BCKDHB: variants seen among roughly 807,000 people sequenced by gnomAD.
The protein encoded by BCKDHB is 2-oxoisovalerate dehydrogenase subunit beta, mitochondrial.
A neutral mutation model predicts 48.5 loss-of-function variants in BCKDHB; 41 were observed. That is an observed-to-expected ratio of 0.85 (90% CI 0.66 to 1.10). The LOEUF (loss-of-function observed/expected upper bound fraction) is 1.10. Ranked by LOEUF, BCKDHB falls within the 50% of genes least tolerant of loss-of-function variation. The pLI, the probability that BCKDHB is intolerant of heterozygous loss-of-function variation, is 0.00. For synonymous variants in BCKDHB, 201 were observed against 174.8 expected (o/e 1.15, Z -1.18); for missense variants, 496 against 494.2 (o/e 1.00, Z -0.03).
chr6:80,361,463 T>C, the BCKDHB span, among the ~76,000 whole-genome samples: 2 of 152,214 alleles, frequency 1.3e-5, no homozygotes, highest in Admixed American at 6.5e-5. Context: ...TATTTATTCA[T>C]AAGTAAGGTA....
intron 6 of BCKDHB, among the ~76,000 whole-genome samples, chr6:80,184,000 A>G (rs1773528869): frequency 6.6e-6 from 1 of 152,144 alleles, no homozygotes; most frequent in South Asian, 2.1e-4. Flanking sequence ...GCAGAAAGGT[A>G]TCTTGGTTGC....
intron 5 of BCKDHB, among the ~76,000 whole-genome samples, chr6:80,170,779 G>C (rs779040829): frequency 1.3e-5 from 2 of 152,118 alleles, no homozygotes; most frequent in African/African-American, 4.8e-5. Context: ...ACACTATGGT[G>C]CCTGGACTGT....
intron 8 of BCKDHB, among the ~76,000 whole-genome samples, chr6:80,239,901 T>A (rs1035895008): frequency 1.3e-5 from 2 of 152,208 alleles, no homozygotes; most frequent in Non-Finnish European, 2.9e-5. Context: ...TTGTCAAAGA[T>A]CAGATGGTTG....
intron 8 of BCKDHB, among the ~76,000 whole-genome samples, chr6:80,249,736 G>A (rs1436540388): frequency 2.0e-5 from 3 of 152,116 alleles, no homozygotes; most frequent in Non-Finnish European, 4.4e-5. Flanking sequence ...AGTTTTAAAA[G>A]AGCTAGTGCT....
chr6:80,121,114 T>G (rs532464216), intron 1 of BCKDHB, among the ~76,000 whole-genome samples: 135 of 152,354 alleles, frequency 8.9e-4, no homozygotes, highest in African/African-American at 3.2e-3. Context: ...ATTTATTAAA[T>G]AGGGAATCCT....
At chr6:80,255,646 A>AT (rs1260666105) in intron 8 of BCKDHB, among the ~76,000 whole-genome samples, 1 of 152,126 alleles carries the variant, frequency 6.6e-6, no homozygotes, top group Admixed American at 6.6e-5. Flanking sequence ...AACCAGAAGG[A>AT]TTTTACCACT....
intron 8 of BCKDHB, among the ~76,000 whole-genome samples, chr6:80,240,352 A>G (rs113651108): frequency 0.037 from 5,612 of 152,150 alleles, 333 homozygotes; most frequent in African/African-American, 0.13. Flanking sequence ...CTCCTTGAAG[A>G]GTTCTCCTCT....
chr6:80,163,326 T>C (rs200697114), intron 3 of BCKDHB, among the ~76,000 whole-genome samples: 1 of 129,482 alleles, frequency 7.7e-6, no homozygotes, highest in Non-Finnish European at 1.6e-5. Context: ...TTTTTTTTTT[T>C]CTCTTCTCTC....
intron 3 of BCKDHB, among the ~76,000 whole-genome samples, chr6:80,135,356 G>C (rs1770833576): frequency 6.6e-6 from 1 of 151,952 alleles, no homozygotes; most frequent in African/African-American, 2.4e-5. Context: ...ATATGTAGAG[G>C]ATTTATTTCC....
intron 6 of BCKDHB, among the ~76,000 whole-genome samples, chr6:80,176,236 A>G (rs994992618): frequency 2.6e-5 from 4 of 152,160 alleles, no homozygotes; most frequent in Admixed American, 2.6e-4. Context: ...TTCTGGTATT[A>G]ATGGAGGAAT....
chr6:80,424,486 T>C, the BCKDHB span, among the ~76,000 whole-genome samples: 1 of 152,220 alleles, frequency 6.6e-6, no homozygotes, highest in African/African-American at 2.4e-5. Flanking sequence ...TTTGATATTA[T>C]ATAATTTCAT....
At chr6:80,254,437 T>C (rs1241789951) in intron 8 of BCKDHB, among the ~76,000 whole-genome samples, 2 of 152,120 alleles carry the variant, frequency 1.3e-5, no homozygotes, top group Non-Finnish European at 2.9e-5. Context: ...GGCTCATGCC[T>C]GTAATCCTAG....
chr6:80,380,894 A>G, the BCKDHB span, among the ~76,000 whole-genome samples: 1 of 152,004 alleles, frequency 6.6e-6, no homozygotes, highest in African/African-American at 2.4e-5. Flanking sequence ...TTAATCTTGT[A>G]TCCTGCAAAC....
At chr6:80,166,989 A>G (rs899724325) in intron 3 of BCKDHB, among the ~76,000 whole-genome samples, 2 of 152,130 alleles carry the variant, frequency 1.3e-5, no homozygotes, top group African/African-American at 4.8e-5. Flanking sequence ...TTAAAAAATC[A>G]TCTCCCACTA....
intron 9 of BCKDHB, among the ~76,000 whole-genome samples, chr6:80,324,763 G>T (rs1435803527): frequency 6.6e-6 from 1 of 152,012 alleles, no homozygotes; most frequent in African/African-American, 2.4e-5. Flanking sequence ...TTCTTAAACT[G>T]GGTGACAGAG....
intron 9 of BCKDHB, among the ~76,000 whole-genome samples, chr6:80,291,781 C>G (rs576654308): frequency 6.6e-6 from 1 of 152,242 alleles, no homozygotes; most frequent in East Asian, 1.9e-4. Context: ...ACAAGTGTAC[C>G]ACAGTTCTTG....
At chr6:80,117,592 G>A (rs1459217419) in intron 1 of BCKDHB, among the ~76,000 whole-genome samples, 2 of 152,178 alleles carry the variant, frequency 1.3e-5, no homozygotes. Flanking sequence ...GTGGGTTTAC[G>A]GGGATGAGGG....
Position 80,260,231 on chromosome 6 carries a change from G to GA in BCKDHB, c.952-12904_952-12903insA, listed in dbSNP as rs1562183248. ...ATGGTGGGTGTGTGTGTGTGTGTGG[G>GA]GTAATAAAATACAATCTTACCATTT... is the stretch of plus-strand genomic sequence containing the variant. On this transcript the variant is annotated intron_variant, in intron 8 of 9. Coordinates refer to ENST00000320393, the MANE Select transcript of BCKDHB (RefSeq NM_183050.4). Among the ~76,000 whole-genome samples the GA allele has an allele frequency of 2.6e-5, 4 of 151,894 alleles. No homozygotes were observed. In the East Asian group the frequency reaches 7.7e-4, roughly 29 times the overall value.
At chr6:80,356,414 A>G in the BCKDHB span, 1 of 152,212 alleles carries the variant, frequency 6.6e-6, no homozygotes, top group African/African-American at 2.4e-5. Context: ...TGGTATATCC[A>G]TATGATCAGG....
Sources: allele counts gnomAD v4.1 joint callset (sites outside exome capture counted in the v4.1 genomes callset), GRCh38; gene constraint gnomAD v4.1.1; transcripts MANE v1.5; gene names NCBI Gene and HGNC (gene_info 2026-07-23, HGNC 2026-07-21).